The following LIMS1 variants were observed in gnomAD, a reference collection of about 807,000 sequenced individuals.
LIMS1 encodes the protein LIM and senescent cell antigen-like-containing domain protein 1.
Under a neutral mutation model 44.1 loss-of-function variants are expected in LIMS1, and 18 were observed. The ratio of observed to expected loss-of-function variants is 0.41; its 90% confidence interval spans 0.28 to 0.61. The LOEUF (loss-of-function observed/expected upper bound fraction) is 0.61. Among genes scored for constraint, LIMS1 ranks in the 20% least tolerant of loss-of-function variants. The pLI is 0.32. For missense variants in LIMS1, 201 were observed against 422.0 expected, an observed-to-expected ratio of 0.48 and a Z score of 4.59; for synonymous variants, 93 against 149.1, an observed-to-expected ratio of 0.62 and a Z score of 2.74.
intron 1 of LIMS1, among the ~76,000 whole-genome samples, chr2:108,548,629 G>A (rs1684570603): frequency 1.3e-5 from 2 of 152,186 alleles, no homozygotes; most frequent in South Asian, 2.1e-4. Flanking sequence ...ACAAGTTCCA[G>A]CAATTCCTCA....
At chr2:108,588,588 A>G in intron 1 of LIMS1, 1 of 985,508 alleles carries the variant, frequency 1.0e-6, no homozygotes, top group Non-Finnish European at 1.2e-6. Context: ...GAAGTTTAAG[A>G]GAAGAAATGG....
intron 1 of LIMS1, among the ~76,000 whole-genome samples, chr2:108,536,596 G>C (rs994297685): frequency 6.6e-6 from 1 of 152,210 alleles, no homozygotes; most frequent in Non-Finnish European, 1.5e-5. Context: ...TTGTTTTTGA[G>C]ACAGTGTCTT....
rs2438256 is a variant in LIMS1, at chr2:108,656,257, A to G, written c.33-3348A>G. Among the ~76,000 whole-genome samples the G allele has an allele frequency of 1.8e-3, 278 of 150,618 alleles. 2 individuals are homozygous for G. In the South Asian group the frequency reaches 0.031, roughly 17 times the overall value. On this transcript the variant is annotated intron_variant, in intron 1 of 9. Transcript: ENST00000544547. ...CTGTGTGAGGTTGATTTGTGGAAGT[A>G]GATCAGCTTCATCAGTCATGCCTGT...
intron 1 of LIMS1, among the ~76,000 whole-genome samples, chr2:108,539,069 C>T (rs542374460): frequency 6.6e-6 from 1 of 152,316 alleles, no homozygotes; most frequent in East Asian, 1.9e-4. Context: ...TTGAACATCT[C>T]TGCCAGAGTG....
At chr2:108,659,664 C>T in exon 2 of LIMS1, 3 of 1,612,310 alleles carry the variant, frequency 1.9e-6, no homozygotes, top group South Asian at 2.2e-5. Context: ...GGCTTTGCGC[C>T]CGCTGAGAAG....
At chr2:108,598,105 C>T (rs1686811109) in intron 1 of LIMS1, among the ~76,000 whole-genome samples, 1 of 151,638 alleles carries the variant, frequency 6.6e-6, no homozygotes, top group Admixed American at 6.6e-5. Context: ...ATTATGAGCA[C>T]CCACTGTGGT....
At chr2:108,619,189 A>G (rs115902388) in intron 1 of LIMS1, among the ~76,000 whole-genome samples, 2,737 of 151,896 alleles carry the variant, frequency 0.018, 45 homozygotes, top group African/African-American at 0.039. Flanking sequence ...ATTTTTAAAA[A>G]CTCTTTTAAA....
chr2:108,554,931 G>T (rs1684874142), intron 1 of LIMS1, among the ~76,000 whole-genome samples: 1 of 152,204 alleles, frequency 6.6e-6, no homozygotes, highest in African/African-American at 2.4e-5. Context: ...ATCCGGATCT[G>T]TGTTGTAGTG....
At chr2:108,590,406 GC>G (rs1462684778) in intron 1 of LIMS1, among the ~76,000 whole-genome samples, 1 of 152,204 alleles carries the variant, frequency 6.6e-6, no homozygotes, top group African/African-American at 2.4e-5. Context: ...AAGGGTACAT[GC>G]TTTTTAGTTT....
intron 1 of LIMS1, among the ~76,000 whole-genome samples, chr2:108,546,502 G>C (rs142410669): frequency 4.4e-4 from 67 of 152,018 alleles, no homozygotes; most frequent in African/African-American, 1.5e-3. Flanking sequence ...CCTCTGGTTA[G>C]GATGGCCTCT....
chr2:108,587,272 G>A (rs1255936907), intron 1 of LIMS1, among the ~76,000 whole-genome samples: 1 of 148,794 alleles, frequency 6.7e-6, no homozygotes, highest in Non-Finnish European at 1.5e-5. Context: ...CAAAAGTGAT[G>A]AGTTGTTTTC....
chr2:108,571,874 G>A (rs1033678687), intron 1 of LIMS1, among the ~76,000 whole-genome samples: 1 of 152,206 alleles, frequency 6.6e-6, no homozygotes, highest in African/African-American at 2.4e-5. Flanking sequence ...GTCTTCAAAT[G>A]TGTCTCATTG....
chr2:108,684,040 C>A, exon 10 of LIMS1: 1 of 1,025,336 alleles, frequency 9.8e-7, no homozygotes, highest in Non-Finnish European at 1.5e-6. Flanking sequence ...TAAGAGATTA[C>A]CAACATTACT....
chr2:108,613,116 A>G (rs1357730135), intron 1 of LIMS1, among the ~76,000 whole-genome samples: 1 of 152,184 alleles, frequency 6.6e-6, no homozygotes, highest in Non-Finnish European at 1.5e-5. Context: ...TATAATCACA[A>G]TACATGCCTC....
intron 1 of LIMS1, chr2:108,621,300 A>G: frequency 6.5e-7 from 1 of 1,545,502 alleles, no homozygotes. Flanking sequence ...CCTGGCAGCC[A>G]CACTGCTGAG....
At chr2:108,560,474 C>T (rs1025755983) in intron 1 of LIMS1, among the ~76,000 whole-genome samples, 1 of 152,112 alleles carries the variant, frequency 6.6e-6, no homozygotes, top group African/African-American at 2.4e-5. Context: ...TCAAACTCAC[C>T]AGCGGGGCTT....
intron 1 of LIMS1, 81 bp downstream of exon 1, chr2:108,534,675 G>C: frequency 1.2e-6 from 1 of 812,850 alleles, no homozygotes. Context: ...GGCCGGGCCT[G>C]GCGCGGGCGG....
At chr2:108,636,716 G>A (rs1291738561) in intron 1 of LIMS1, among the ~76,000 whole-genome samples, 2 of 152,100 alleles carry the variant, frequency 1.3e-5, no homozygotes, top group African/African-American at 4.8e-5. Flanking sequence ...TTTGAGAAGA[G>A]GTAAGGAATG....
intron 1 of LIMS1, among the ~76,000 whole-genome samples, chr2:108,560,467 A>G (rs560492833): frequency 1.1e-4 from 17 of 151,926 alleles, no homozygotes; most frequent in African/African-American, 4.1e-4. Context: ...GTGTTTCTCA[A>G]ACTCACCAGC....
Sources: allele counts gnomAD v4.1 joint callset (sites outside exome capture counted in the v4.1 genomes callset), GRCh38; gene constraint gnomAD v4.1.1; transcripts MANE v1.5; gene names NCBI Gene and HGNC (gene_info 2026-07-23, HGNC 2026-07-21).